Variants in PHB1 observed in about 807,000 individuals in gnomAD.
PHB1 encodes the protein epididymis luminal protein 215.
chr17:49,405,765 C>CACAAACAA, the PHB1 span, among the ~76,000 whole-genome samples: 12 of 151,314 alleles, frequency 7.9e-5, no homozygotes, highest in Admixed American at 3.3e-4. Context: ...ACAGAGCTGT[C>CACAAACAA]ACAAACAAAC....
At chr17:49,409,318 CCT>C in the PHB1 span, 1 of 1,614,044 alleles carries the variant, frequency 6.2e-7, no homozygotes, top group South Asian at 1.1e-5. Flanking sequence ...GCTAAAGGCC[CCT>C]GTTCACTCAC....
chr17:49,410,447 G>A, the PHB1 span, among the ~76,000 whole-genome samples: 276 of 152,322 alleles, frequency 1.8e-3, 1 homozygote, highest in African/African-American at 5.5e-3. Context: ...AGGCTTCAGT[G>A]ATAGCAGCTT....
chr17:49,408,186 C>T, the PHB1 span, among the ~76,000 whole-genome samples: 2 of 152,216 alleles, frequency 1.3e-5, no homozygotes, highest in African/African-American at 4.8e-5. Flanking sequence ...GAGCCCCAAG[C>T]CCCCAGGACT....
chr17:49,410,554 T>G, the PHB1 span, among the ~76,000 whole-genome samples: 1 of 152,186 alleles, frequency 6.6e-6, no homozygotes, highest in East Asian at 1.9e-4. Flanking sequence ...TTTAAGACAA[T>G]AGACAGGGCA....
chr17:49,408,269 G>A, the PHB1 span, among the ~76,000 whole-genome samples: 12 of 152,248 alleles, frequency 7.9e-5, no homozygotes, highest in Admixed American at 7.9e-4. Context: ...TGTTTAAACA[G>A]CTGCACAGAT....
At chr17:49,411,199 CTTTTT>C in the PHB1 span, among the ~76,000 whole-genome samples, 3 of 117,476 alleles carry the variant, frequency 2.6e-5, no homozygotes, top group Admixed American at 8.7e-5. Flanking sequence ...TAGAAGCAGG[CTTTTT>C]TTTTTTTTTT....
At chr17:49,414,659 T>TG in the PHB1 span, 1 of 152,388 alleles carries the variant, frequency 6.6e-6, no homozygotes, top group South Asian at 2.1e-4. Flanking sequence ...CCTGCCTCCA[T>TG]GGACACCTCC....
chr17:49,408,231 G>A, the PHB1 span, among the ~76,000 whole-genome samples: 1 of 152,356 alleles, frequency 6.6e-6, no homozygotes, highest in South Asian at 2.1e-4. Context: ...CAGTGCCCAG[G>A]GGTTAGCACT....
chr17:49,408,977 T>C, the PHB1 span: 11 of 981,018 alleles, frequency 1.1e-5, no homozygotes, highest in Admixed American at 9.1e-5. Context: ...TACCCAGAAA[T>C]GGAGCCAGGC....
chr17:49,409,113 A>G, the PHB1 span: 1 of 1,614,052 alleles, frequency 6.2e-7, no homozygotes, highest in Non-Finnish European at 8.5e-7. Context: ...ACCTGCCTGG[A>G]GACCAGCTCT....
At chr17:49,414,782 G>A in the PHB1 span, 1 of 152,274 alleles carries the variant, frequency 6.6e-6, no homozygotes, top group Admixed American at 6.5e-5. Flanking sequence ...TGGAGCAGAG[G>A]AGGACTGCAG....
the PHB1 span, chr17:49,413,082 G>A: frequency 3.4e-6 from 3 of 881,404 alleles, no homozygotes; most frequent in East Asian, 2.6e-5. Flanking sequence ...CACATTCACT[G>A]ACGGCAGCTA....
chr17:49,407,373 C>G, the PHB1 span: 1 of 157,020 alleles, frequency 6.4e-6, no homozygotes, highest in Non-Finnish European at 1.4e-5. Flanking sequence ...CACAGCAGCT[C>G]CACCACTGAA....
chr17:49,409,629 C>A, the PHB1 span, among the ~76,000 whole-genome samples: 2 of 150,448 alleles, frequency 1.3e-5, no homozygotes, highest in Non-Finnish European at 3.0e-5. Flanking sequence ...ACAACCTCTG[C>A]CTCCCAGATT....
the PHB1 span, chr17:49,409,381 C>T: frequency 1.2e-6 from 2 of 1,614,192 alleles, no homozygotes; most frequent in South Asian, 2.2e-5. Flanking sequence ...ACACGCTCAT[C>T]ATAGTCCTCT....
At chr17:49,411,822 C>T in the PHB1 span, 1 of 1,613,932 alleles carries the variant, frequency 6.2e-7, no homozygotes, top group Non-Finnish European at 8.5e-7. Context: ...AAGATGACAG[C>T]TCTGTGCCCA....
the PHB1 span, among the ~76,000 whole-genome samples, chr17:49,407,801 T>G: frequency 6.6e-6 from 1 of 152,248 alleles, no homozygotes; most frequent in South Asian, 2.1e-4. Context: ...TTTAACCTCC[T>G]AACTCTAACT....
chr17:49,405,685 G>T, the PHB1 span, among the ~76,000 whole-genome samples: 1 of 152,112 alleles, frequency 6.6e-6, no homozygotes, highest in Non-Finnish European at 1.5e-5. Flanking sequence ...GGAGGCAGGA[G>T]GATCACTTGA....
chr17:49,414,480 C>T, the PHB1 span: 1 of 152,290 alleles, frequency 6.6e-6, no homozygotes, highest in Non-Finnish European at 1.5e-5. Flanking sequence ...CTTTCTAACG[C>T]TCCGCCCCAC....
Sources: allele counts gnomAD v4.1 joint callset (sites outside exome capture counted in the v4.1 genomes callset), GRCh38; gene constraint gnomAD v4.1.1; transcripts MANE v1.5; gene names NCBI Gene and HGNC (gene_info 2026-07-23, HGNC 2026-07-21).